COL19A1: variants seen among roughly 807,000 people sequenced by gnomAD.
The protein encoded by COL19A1 is collagen type XIX alpha 1 chain.
A neutral mutation model predicts 190.2 loss-of-function variants in COL19A1; 159 were observed. The observed-to-expected ratio is 0.84, with a 90% CI of 0.73 to 0.95. The LOEUF (loss-of-function observed/expected upper bound fraction) is 0.95, where lower values mean the gene tolerates loss of function less well. COL19A1 is among the 40% of genes least tolerant of loss of function. The pLI is 0.00. For missense variants in COL19A1, 1,418 were observed against 1,431.9 expected (o/e 0.99, Z 0.16); for synonymous variants, 509 against 458.9 (o/e 1.11, Z -1.39).
At chr6:69,953,274 A>G (rs1032177638) in intron 9 of COL19A1, among the ~76,000 whole-genome samples, 4 of 152,032 alleles carry the variant, frequency 2.6e-5, no homozygotes, top group African/African-American at 9.7e-5. Context: ...TGTGTAATTT[A>G]GAAAATTCTC....
At chr6:70,098,595 G>A (rs907929673) in intron 15 of COL19A1, 2 of 420,032 alleles carry the variant, frequency 4.8e-6, no homozygotes, top group Admixed American at 2.7e-5. Flanking sequence ...GATGACTTCT[G>A]AAGGTGGCAG....
At chr6:69,876,302 T>C (rs1193156789) in intron 1 of COL19A1, among the ~76,000 whole-genome samples, 3 of 152,238 alleles carry the variant, frequency 2.0e-5, no homozygotes, top group Non-Finnish European at 4.4e-5. Context: ...GTCGAATTCA[T>C]ATGCTTATAG....
chr6:69,932,464 C>G (rs1257213156), intron 6 of COL19A1, among the ~76,000 whole-genome samples: 1 of 151,626 alleles, frequency 6.6e-6, no homozygotes, highest in Non-Finnish European at 1.5e-5. Flanking sequence ...TGTGGGCATT[C>G]TTTACTGTAG....
At chr6:70,155,917 A>G (rs1162172606) in intron 31 of COL19A1, among the ~76,000 whole-genome samples, 1 of 152,180 alleles carries the variant, frequency 6.6e-6, no homozygotes, top group Non-Finnish European at 1.5e-5. Flanking sequence ...TCAATATCAT[A>G]AACAGATATC....
intron 11 of COL19A1, among the ~76,000 whole-genome samples, chr6:69,975,521 T>C (rs977445543): frequency 3.3e-5 from 5 of 152,182 alleles, no homozygotes; most frequent in African/African-American, 1.2e-4. Flanking sequence ...TCTGAGAATA[T>C]ATAGAGTTTA....
chr6:70,101,716 G>A (rs1391680754), intron 15 of COL19A1, among the ~76,000 whole-genome samples: 3 of 152,096 alleles, frequency 2.0e-5, no homozygotes, highest in Non-Finnish European at 2.9e-5. Flanking sequence ...ATTCTAGGAT[G>A]AAGTCCAGGA....
intron 30 of COL19A1, among the ~76,000 whole-genome samples, chr6:70,150,875 C>T (rs897647019): frequency 3.3e-5 from 5 of 152,084 alleles, no homozygotes; most frequent in African/African-American, 7.2e-5. Context: ...CATCTCAAGA[C>T]GTGTGGCCAA....
intron 47 of COL19A1, 46 bp downstream of exon 47, chr6:70,188,291 A>G: frequency 1.3e-6 from 2 of 1,530,702 alleles, no homozygotes; most frequent in African/African-American, 1.4e-5. Context: ...TGTACCGACC[A>G]TGTATCCCTT....
chr6:69,971,462 A>G (rs1775419985), intron 11 of COL19A1, among the ~76,000 whole-genome samples: 1 of 152,224 alleles, frequency 6.6e-6, no homozygotes, highest in Admixed American at 6.5e-5. Flanking sequence ...CTAGCTGTGA[A>G]GAGGACAACA....
At chr6:70,168,246 T>G (rs1348520637) in intron 39 of COL19A1, 31 bp downstream of exon 39, 1 of 1,605,680 alleles carries the variant, frequency 6.2e-7, no homozygotes, top group Non-Finnish European at 8.5e-7. Context: ...TCAAACACAC[T>G]TTAGCTGAAC....
Position 69,938,115 on chromosome 6 carries a change from A to C in COL19A1, c.936+15A>C. On this transcript the variant is annotated intron_variant, in intron 9 of 50. Coordinates refer to ENST00000620364, the MANE Select transcript of COL19A1 (RefSeq NM_001858.6). Reference sequence around the variant, plus strand: ...AAGGAGAGCCGGTAAGAAAAAAACAAATACTGATGGAGAAAACAGGGTTTT... The same window carrying C: ...AAGGAGAGCCGGTAAGAAAAAAACACATACTGATGGAGAAAACAGGGTTTT... 1.2e-6 allele frequency: 2 copies of C among 1,609,744 alleles called. No individual in the cohort carries two copies.
chr6:70,206,267 T>C (rs573039151), intron 49 of COL19A1, among the ~76,000 whole-genome samples: 1 of 152,304 alleles, frequency 6.6e-6, no homozygotes, highest in African/African-American at 2.4e-5. Context: ...ACACAGCTTG[T>C]CATAGCTATT....
chr6:70,049,164 C>T (rs1047523441), intron 14 of COL19A1, among the ~76,000 whole-genome samples: 7 of 151,876 alleles, frequency 4.6e-5, no homozygotes, highest in African/African-American at 1.2e-4. Flanking sequence ...TGAATCAACA[C>T]TATTAGTTTT....
chr6:70,065,352 TG>T (rs1350193188), intron 14 of COL19A1, among the ~76,000 whole-genome samples: 1 of 152,122 alleles, frequency 6.6e-6, no homozygotes, highest in African/African-American at 2.4e-5. Flanking sequence ...AAACAAGAAA[TG>T]GGGAAAGGAT....
intron 1 of COL19A1, among the ~76,000 whole-genome samples, chr6:69,870,652 G>T (rs191555732): frequency 6.6e-6 from 1 of 152,286 alleles, no homozygotes; most frequent in East Asian, 1.9e-4. Flanking sequence ...TTTGGAGTGG[G>T]CAATGAAGAG....
chr6:70,103,716 G>C (rs947218549), intron 16 of COL19A1, among the ~76,000 whole-genome samples: 25 of 152,194 alleles, frequency 1.6e-4, no homozygotes, highest in African/African-American at 5.8e-4. Flanking sequence ...CTTTGCCAGT[G>C]CTCTCAGCAT....
chr6:70,008,763 T>C (rs1205947230), intron 11 of COL19A1, among the ~76,000 whole-genome samples: 2 of 151,802 alleles, frequency 1.3e-5, no homozygotes, highest in South Asian at 2.1e-4. Flanking sequence ...TAAAGAGAGA[T>C]GCACACACAC....
In COL19A1 at chr6:69,870,379, G is replaced by C. The variant is rs6907000; in HGVS notation, c.-33+3739G>C. Among the ~76,000 whole-genome samples the C allele has an allele frequency of 1.8e-3, 273 of 152,314 alleles. 1 individual carries two copies. The highest frequency in any genetic ancestry group is 6.0e-3 in the African/African-American group (251 of 41,558). On this transcript the variant is annotated intron_variant, in intron 1 of 50. Coordinates refer to ENST00000620364, the MANE Select transcript of COL19A1 (RefSeq NM_001858.6). ...GGTATTGAGCTCTGTTGAATCACAG[G>C]ACAGTGAGTAGTGAACTCTCCCTGG...
intron 16 of COL19A1, among the ~76,000 whole-genome samples, chr6:70,105,693 C>T (rs901877924): frequency 5.3e-5 from 8 of 152,196 alleles, no homozygotes; most frequent in South Asian, 4.2e-4. Flanking sequence ...GAACAAGAGA[C>T]GGGTTGGTAG....
Sources: gnomAD v4.1 joint callset for allele counts (sites outside exome capture counted in the v4.1 genomes callset) on GRCh38, gnomAD v4.1.1 for gene constraint, MANE v1.5 for transcripts, NCBI Gene and HGNC (gene_info 2026-07-23, HGNC 2026-07-21) for gene names.